The following NAV2 variants were observed in gnomAD, a reference collection of about 807,000 sequenced individuals.
NAV2 encodes neuron navigator 2.
NAV2 carries 54 observed loss-of-function variants against 223.2 expected under a neutral mutation model. The ratio of observed to expected loss-of-function variants is 0.24; its 90% CI spans 0.19 to 0.30. NAV2 has a LOEUF of 0.30. NAV2 is among the 10% of genes least tolerant of loss of function. The probability of loss-of-function intolerance (pLI) is 1.00; values close to 1 mark genes in which losing one functional copy is unlikely to be tolerated. For synonymous variants in NAV2, 1,279 were observed against 1,239.3 expected (o/e 1.03, Z -0.67); for missense variants, 2,806 against 3,147.5 (o/e 0.89, Z 2.60).
intron 1 of NAV2, among the ~76,000 whole-genome samples, chr11:19,400,932 C>T (rs574159818): frequency 7.0e-6 from 1 of 143,362 alleles, no homozygotes; most frequent in African/African-American, 2.6e-5. Flanking sequence ...AGGGGTGAGC[C>T]GGGAGTCTTG....
At chr11:19,803,340 G>T (rs1268830863) in intron 1 of NAV2, among the ~76,000 whole-genome samples, 2 of 152,184 alleles carry the variant, frequency 1.3e-5, no homozygotes, top group African/African-American at 4.8e-5. Flanking sequence ...GTGAGTATCT[G>T]CTCACCCTTT....
chr11:19,735,558 G>A (rs1374049190), intron 1 of NAV2, among the ~76,000 whole-genome samples: 1 of 152,160 alleles, frequency 6.6e-6, no homozygotes, highest in Non-Finnish European at 1.5e-5. Context: ...TGAAATGCAG[G>A]CACAGCAAGG....
At chr11:20,106,179 G>GTA (rs2062044859) in intron 35 of NAV2, among the ~76,000 whole-genome samples, 2 of 14,688 alleles carry the variant, frequency 1.4e-4, no homozygotes, top group African/African-American at 1.4e-4. Flanking sequence ...ATATATATGT[G>GTA]TGTGTATATA....
intron 32 of NAV2, 98 bp downstream of exon 32, chr11:20,101,270 A>G (rs1286611372): frequency 2.4e-5 from 24 of 979,798 alleles, no homozygotes; most frequent in Non-Finnish European, 3.7e-5. Context: ...CCTATCAACA[A>G]TCCTTGGGTG....
intron 1 of NAV2, among the ~76,000 whole-genome samples, chr11:19,581,736 G>A (rs1262924571): frequency 2.0e-5 from 3 of 152,294 alleles, no homozygotes; most frequent in Non-Finnish European, 4.4e-5. Context: ...TGGTGTATAT[G>A]TGCCACATTT....
At chr11:20,044,646 G>A (rs972169769) in intron 13 of NAV2, among the ~76,000 whole-genome samples, 6 of 152,176 alleles carry the variant, frequency 3.9e-5, no homozygotes, top group African/African-American at 1.4e-4. Flanking sequence ...CCCTGGACAT[G>A]TTAGGGACAG....
intron 1 of NAV2, among the ~76,000 whole-genome samples, chr11:19,683,354 G>A (rs1783316240): frequency 6.6e-6 from 1 of 152,240 alleles, no homozygotes; most frequent in African/African-American, 2.4e-5. Context: ...GGTCAGTGAT[G>A]TGTTTTCTTA....
chr11:20,082,656 C>G, intron 25 of NAV2: 1 of 1,515,230 alleles, frequency 6.6e-7, no homozygotes, highest in Non-Finnish European at 9.2e-7. Flanking sequence ...ATTGATATGA[C>G]TAACCTCATC....
intron 6 of NAV2, among the ~76,000 whole-genome samples, chr11:19,898,081 T>C (rs895308035): frequency 1.3e-5 from 2 of 151,954 alleles, no homozygotes; most frequent in African/African-American, 4.8e-5. Flanking sequence ...AAATTAACAC[T>C]GCCTGGGATC....
chr11:19,390,762 A>G (rs1407719469), intron 1 of NAV2, among the ~76,000 whole-genome samples: 2 of 152,134 alleles, frequency 1.3e-5, no homozygotes, highest in African/African-American at 4.8e-5. Context: ...CAGACCCTAT[A>G]TGCTGAGAAA....
chr11:19,401,240 A>T (rs781703456), intron 1 of NAV2, among the ~76,000 whole-genome samples: 1 of 152,260 alleles, frequency 6.6e-6, no homozygotes, highest in Non-Finnish European at 1.5e-5. Flanking sequence ...GTGACTTAAG[A>T]CAAAAGCATT....
intron 6 of NAV2, among the ~76,000 whole-genome samples, chr11:19,919,622 G>A (rs1045229635): frequency 5.3e-5 from 8 of 152,216 alleles, no homozygotes; most frequent in African/African-American, 1.9e-4. Context: ...TTGGGTTAGA[G>A]ACCTGGTCCC....
intron 16 of NAV2, among the ~76,000 whole-genome samples, chr11:20,050,520 T>TG (rs1387059874): frequency 6.8e-6 from 1 of 146,852 alleles, no homozygotes; most frequent in East Asian, 2.0e-4. Flanking sequence ...CTTAATTTTG[T>TG]GGGGGAGTGA....
At chr11:19,777,401 T>C in intron 1 of NAV2, 1 of 429,264 alleles carries the variant, frequency 2.3e-6, no homozygotes, top group Non-Finnish European at 4.6e-6. Context: ...GGCAGGTGCT[T>C]CGGCTTTTTT....
chr11:19,614,520 TCTG>T (rs2046737664), intron 1 of NAV2, among the ~76,000 whole-genome samples: 1 of 152,138 alleles, frequency 6.6e-6, no homozygotes, highest in Non-Finnish European at 1.5e-5. Context: ...TATAGCATCC[TCTG>T]CTATCAATAT....
intron 19 of NAV2, among the ~76,000 whole-genome samples, chr11:20,062,084 A>G (rs1401587000): frequency 6.6e-6 from 1 of 152,354 alleles, no homozygotes; most frequent in East Asian, 1.9e-4. Flanking sequence ...AAAAGTATTC[A>G]GAAGGTTGAA....
chr11:19,647,540 C>T (rs1022986667), intron 1 of NAV2, among the ~76,000 whole-genome samples: 6 of 152,000 alleles, frequency 3.9e-5, no homozygotes, highest in African/African-American at 9.7e-5. Context: ...ATGAGGAAAC[C>T]GAGGCTTGGG....
intron 11 of NAV2, among the ~76,000 whole-genome samples, chr11:20,030,803 A>G (rs1354419563): frequency 6.6e-6 from 1 of 152,250 alleles, no homozygotes; most frequent in Non-Finnish European, 1.5e-5. Flanking sequence ...TAAACATTTC[A>G]GCTTAAAAGT....
intron 1 of NAV2, among the ~76,000 whole-genome samples, chr11:19,678,474 C>A (rs1016218535): frequency 4.6e-5 from 7 of 152,166 alleles, no homozygotes; most frequent in Non-Finnish European, 7.3e-5. Context: ...GAGCTTAACC[C>A]TGTAACTTTC....
Sources: allele counts gnomAD v4.1 joint callset (sites outside exome capture counted in the v4.1 genomes callset), GRCh38; gene constraint gnomAD v4.1.1; transcripts MANE v1.5; gene names NCBI Gene and HGNC (gene_info 2026-07-23, HGNC 2026-07-21).